CHST8: variants seen among roughly 807,000 people sequenced by gnomAD.
CHST8 encodes GALNAC-4-ST1.
In CHST8, 10 loss-of-function variants were observed where a neutral mutation model predicts 15.0. The observed-to-expected ratio is 0.67, with a 90% CI of 0.41 to 1.13. The LOEUF (loss-of-function observed/expected upper bound fraction) is 1.13, where lower values mean the gene tolerates loss of function less well. Among genes scored for constraint, CHST8 ranks in the 50% most tolerant of loss-of-function variants. CHST8 has a pLI of 0.00. For missense variants in CHST8, 634 were observed against 608.2 expected (o/e 1.04, Z -0.45); for synonymous variants, 259 against 256.6 (o/e 1.01, Z -0.09).
chr19:33,683,104 AC>A (rs1972917480), intron 2 of CHST8, among the ~76,000 whole-genome samples: 1 of 152,214 alleles, frequency 6.6e-6, no homozygotes, highest in African/African-American at 2.4e-5. Flanking sequence ...CCAACTCATC[AC>A]CAAGGGGATG....
chr19:33,692,676 G>A (rs1445775865), intron 3 of CHST8, among the ~76,000 whole-genome samples: 1 of 152,300 alleles, frequency 6.6e-6, no homozygotes, highest in African/African-American at 2.4e-5. Context: ...CTCCAGCCTG[G>A]GTGACAGGGC....
chr19:33,694,600 GAC>G (rs1171955736), intron 3 of CHST8, among the ~76,000 whole-genome samples: 1 of 152,078 alleles, frequency 6.6e-6, no homozygotes, highest in Non-Finnish European at 1.5e-5. Flanking sequence ...ACTTTTTTGA[GAC>G]AGAGTCTCGC....
chr19:33,756,863 A>C (rs1472019070), intron 3 of CHST8, among the ~76,000 whole-genome samples: 1 of 152,184 alleles, frequency 6.6e-6, no homozygotes, highest in Non-Finnish European at 1.5e-5. Flanking sequence ...CCAACCCTGC[A>C]GTCAGCACCC....
intron 3 of CHST8, among the ~76,000 whole-genome samples, chr19:33,767,106 T>G (rs1974864225): frequency 6.9e-6 from 1 of 145,662 alleles, no homozygotes; most frequent in Non-Finnish European, 1.5e-5. Flanking sequence ...GGCTCGGGGC[T>G]GGGACATGAG....
chr19:33,746,169 A>T (rs559447949), intron 3 of CHST8, among the ~76,000 whole-genome samples: 17 of 152,326 alleles, frequency 1.1e-4, no homozygotes, highest in South Asian at 6.2e-4. Context: ...GCATTTTTTT[A>T]AAAAACATGG....
intron 3 of CHST8, among the ~76,000 whole-genome samples, chr19:33,760,492 C>CT (rs1375342207): frequency 3.4e-5 from 5 of 147,688 alleles, no homozygotes; most frequent in African/African-American, 1.3e-4. Flanking sequence ...CTAATTTTTT[C>CT]ATTTTTTTTT....
chr19:33,693,050 A>C (rs1306694554), intron 3 of CHST8, among the ~76,000 whole-genome samples: 3 of 143,364 alleles, frequency 2.1e-5, no homozygotes. Flanking sequence ...CTTGTTGCCC[A>C]GGCTGGAGTG....
intron 1 of CHST8, among the ~76,000 whole-genome samples, chr19:33,631,558 G>A (rs1489257757): frequency 6.6e-6 from 1 of 152,162 alleles, no homozygotes; most frequent in East Asian, 1.9e-4. Context: ...CTTGGTGTGC[G>A]TGGTAAATTG....
chr19:33,735,181 G>T (rs1974060059), intron 3 of CHST8, among the ~76,000 whole-genome samples: 1 of 152,196 alleles, frequency 6.6e-6, no homozygotes, highest in Admixed American at 6.5e-5. Context: ...GGGTTGGGTA[G>T]GGGGGTCAGC....
intron 1 of CHST8, among the ~76,000 whole-genome samples, chr19:33,623,180 C>T (rs1972008378): frequency 6.6e-6 from 1 of 152,210 alleles, no homozygotes; most frequent in South Asian, 2.1e-4. Context: ...TCTCCAGGCC[C>T]GCGACCCCGA....
At chr19:33,694,273 A>G (rs540613592) in intron 3 of CHST8, among the ~76,000 whole-genome samples, 93 of 129,688 alleles carry the variant, frequency 7.2e-4, no homozygotes, top group African/African-American at 2.5e-3. Context: ...TCGTTCTTTT[A>G]ATGTTTGGCT....
chr19:33,630,159 C>T (rs896765701), intron 1 of CHST8, among the ~76,000 whole-genome samples: 7 of 152,224 alleles, frequency 4.6e-5, no homozygotes, highest in South Asian at 2.1e-4. Context: ...CTTCCTGTGC[C>T]GCATCCAGGC....
At chr19:33,649,488 G>T (rs997934963) in intron 1 of CHST8, among the ~76,000 whole-genome samples, 1 of 152,184 alleles carries the variant, frequency 6.6e-6, no homozygotes, top group African/African-American at 2.4e-5. Flanking sequence ...GGAGGGCAGG[G>T]TGGAACAGGA....
At chr19:33,667,219 G>T (rs1261136704) in intron 1 of CHST8, among the ~76,000 whole-genome samples, 1 of 152,192 alleles carries the variant, frequency 6.6e-6, no homozygotes, top group Non-Finnish European at 1.5e-5. Flanking sequence ...AGCCACAAGT[G>T]GATGTTGCCC....
At chr19:33,703,429 T>C (rs1355109890) in intron 3 of CHST8, among the ~76,000 whole-genome samples, 2 of 152,272 alleles carry the variant, frequency 1.3e-5, no homozygotes, top group Non-Finnish European at 2.9e-5. Context: ...TCCTTCTCCA[T>C]GGCCACTGCG....
In CHST8 at chr19:33,649,254, A is replaced by C. The variant is rs544499749; in HGVS notation, c.-163-18513A>C. Among the ~76,000 whole-genome samples the C allele has an allele frequency of 7.9e-5, 12 of 151,954 alleles. No individual in the cohort carries two copies. The South Asian group carries it at 2.5e-3, about 32-fold the overall frequency. On this transcript the variant is annotated intron_variant, in intron 1 of 4. Transcript: ENST00000650847. ...CCTAGTGTTTGTGTGCTAGTATTTC[A>C]CTGTGGTTTGGGTTTGCATTTCCCC... is the stretch of plus-strand genomic sequence containing the variant.
intron 2 of CHST8, among the ~76,000 whole-genome samples, chr19:33,688,126 TAG>T (rs1973020074): frequency 6.6e-6 from 1 of 152,196 alleles, no homozygotes; most frequent in Admixed American, 6.5e-5. Context: ...GGGGGGTCCC[TAG>T]AGTGCCTGCC....
chr19:33,716,146 G>T (rs779157336), intron 3 of CHST8, among the ~76,000 whole-genome samples: 1 of 152,126 alleles, frequency 6.6e-6, no homozygotes, highest in Non-Finnish European at 1.5e-5. Flanking sequence ...TTCAGTGTTC[G>T]TTGTAAAGAT....
intron 3 of CHST8, among the ~76,000 whole-genome samples, chr19:33,712,906 CT>C (rs1323556546): frequency 1.3e-5 from 2 of 152,196 alleles, no homozygotes; most frequent in African/African-American, 4.8e-5. Flanking sequence ...ATCTGTCCAT[CT>C]TCACTTTCAG....
Sources: allele counts gnomAD v4.1 joint callset (sites outside exome capture counted in the v4.1 genomes callset), GRCh38; gene constraint gnomAD v4.1.1; transcripts MANE v1.5; gene names NCBI Gene and HGNC (gene_info 2026-07-23, HGNC 2026-07-21).